Variants in TAL1 observed in about 807,000 individuals in gnomAD.
TAL1 encodes TAL bHLH transcription factor 1, erythroid differentiation factor, also known as T-cell acute lymphocytic leukemia protein 1.
In TAL1, 8 loss-of-function variants were observed where a neutral mutation model predicts 17.9. That is an observed-to-expected ratio of 0.45 (90% confidence interval 0.26 to 0.81). The LOEUF (loss-of-function observed/expected upper bound fraction) is 0.81, where lower values mean the gene tolerates loss of function less well. Among genes scored for constraint, TAL1 ranks in the 30% least tolerant of loss-of-function variants. The pLI, the probability that TAL1 is intolerant of heterozygous loss-of-function variation, is 0.17. For synonymous variants in TAL1, 223 were observed against 218.6 expected (o/e 1.02, Z -0.18); for missense variants, 466 against 486.9 (o/e 0.96, Z 0.40).
chr1:47,225,711 G>T (rs1197404304), exon 2 of TAL1: 2 of 1,461,926 alleles, frequency 1.4e-6, no homozygotes, highest in South Asian at 2.7e-5. Flanking sequence ...CCGCCCCCCG[G>T]GCCTCCGCGC....
intron 3 of TAL1, among the ~76,000 whole-genome samples, chr1:47,222,043 T>C (rs1643821567): frequency 6.6e-6 from 1 of 152,240 alleles, no homozygotes; most frequent in East Asian, 1.9e-4. Flanking sequence ...TGCAGGGCAG[T>C]TCTACCCTGG....
chr1:47,220,019 T>C (rs1184742397), exon 4 of TAL1: 3 of 1,613,180 alleles, frequency 1.9e-6, no homozygotes, highest in African/African-American at 2.7e-5. Flanking sequence ...ATATACTTCA[T>C]GGCCAGGCGG....
intron 3 of TAL1, among the ~76,000 whole-genome samples, chr1:47,220,604 TTG>T (rs1643769737): frequency 6.6e-6 from 1 of 152,152 alleles, no homozygotes; most frequent in Non-Finnish European, 1.5e-5. Context: ...ACATAAAAAC[TTG>T]TGAAGTGCCT....
At chr1:47,230,479 A>C (rs1643991603), upstream of TAL1, 2 of 152,032 alleles carry the variant, frequency 1.3e-5, no homozygotes, top group African/African-American at 4.8e-5. Context: ...AAAAGAGGGG[A>C]GGGGAGGAAA....
At chr1:47,217,680 G>C in exon 4 of TAL1, 1 of 398,676 alleles carries the variant, frequency 2.5e-6, no homozygotes, top group East Asian at 3.6e-5. Flanking sequence ...AAGTCTGAAA[G>C]AAGAGGGAGC....
chr1:47,219,253 T>C (rs934806144), exon 4 of TAL1: 4 of 444,518 alleles, frequency 9.0e-6, no homozygotes, highest in African/African-American at 5.9e-5. Context: ...GCTCACGAAA[T>C]GGGCAGCTAT....
exon 4 of TAL1, chr1:47,219,956 C>A: frequency 7.5e-7 from 1 of 1,327,438 alleles, no homozygotes; most frequent in Non-Finnish European, 9.9e-7. Context: ...CCAGTCTTGG[C>A]CCGCTGGGTG....
exon 4 of TAL1, chr1:47,216,327 T>C (rs1256907253): frequency 2.3e-5 from 5 of 215,646 alleles, no homozygotes; most frequent in Non-Finnish European, 4.7e-5. Flanking sequence ...ATCTTCCCGA[T>C]ACATCCTCAC....
At chr1:47,217,327 C>A in exon 4 of TAL1, 1 of 392,264 alleles carries the variant, frequency 2.5e-6, no homozygotes, top group Non-Finnish European at 4.5e-6. Context: ...TTCAAGGCTG[C>A]AGACAGCAAT....
At chr1:47,219,824 C>T (rs1202397467) in exon 4 of TAL1, 1 of 1,606,222 alleles carries the variant, frequency 6.2e-7, no homozygotes, top group Non-Finnish European at 8.5e-7. Context: ...GGGCTGGCTG[C>T]CCCATCCAGG....
chr1:47,218,746 A>G (rs1645549272), exon 4 of TAL1: 1 of 233,514 alleles, frequency 4.3e-6, no homozygotes, highest in Non-Finnish European at 8.4e-6. Context: ...CATAGACCAG[A>G]CCATCAGCAA....
At chr1:47,217,024 A>G (rs544143110) in exon 4 of TAL1, 1 of 231,966 alleles carries the variant, frequency 4.3e-6, no homozygotes, top group African/African-American at 2.2e-5. Flanking sequence ...ACAGTCTGCC[A>G]GTGTTCCCAT....
rs371934334 is a variant in TAL1, at chr1:47,218,867, C to T, written c.*853G>A. On this transcript the variant is annotated 3_prime_UTR_variant, in exon 4 of 4. Coordinates refer to ENST00000294339, the Ensembl canonical transcript of TAL1. ...GCCCATCAGCACACTGGCATTCACT[C>T]GCCAGCATGAACAGTGATGTCGAGG... 20 of 244,706 alleles carry T rather than the reference C, an allele frequency of 8.2e-5. No individual in the cohort carries two copies. In the East Asian group the frequency reaches 1.0e-3, roughly 13 times the overall value. 15.2% of individuals were successfully genotyped at this position (244,706 alleles called of 1,614,324 possible).
At chr1:47,218,586 G>A (rs916407972) in exon 4 of TAL1, 1 of 232,930 alleles carries the variant, frequency 4.3e-6, no homozygotes. Context: ...GTCTTAGCCA[G>A]GGCCTGGTCT....
At chr1:47,221,398 T>C (rs558440643) in intron 3 of TAL1, among the ~76,000 whole-genome samples, 13 of 152,278 alleles carry the variant, frequency 8.5e-5, no homozygotes, top group Non-Finnish European at 1.8e-4. Context: ...TATAAAGACT[T>C]ATGGAGCAGT....
At chr1:47,221,873 A>T (rs1569896755) in intron 3 of TAL1, among the ~76,000 whole-genome samples, 1 of 152,164 alleles carries the variant, frequency 6.6e-6, no homozygotes, top group African/African-American at 2.4e-5. Flanking sequence ...AGGCATGCAC[A>T]TGCATGTGTG....
chr1:47,229,998 C>CGTCT (rs573589966), upstream of TAL1: 47 of 152,164 alleles, frequency 3.1e-4, no homozygotes, highest in African/African-American at 8.0e-4. Context: ...GGTCCTTTCT[C>CGTCT]GTCTCCCTAC....
At chr1:47,220,044 G>A (rs1351300609) in exon 4 of TAL1, 2 of 1,613,780 alleles carry the variant, frequency 1.2e-6, no homozygotes, top group African/African-American at 2.7e-5. Flanking sequence ...TCTCATTCTT[G>A]CTGAGCTTCT....
At chr1:47,223,476 G>C (rs1569902899) in intron 3 of TAL1, 1 of 152,688 alleles carries the variant, frequency 6.5e-6, no homozygotes, top group Non-Finnish European at 1.5e-5. Flanking sequence ...TCTAAGCCCA[G>C]AATGTGTTAA....
Sources: allele counts gnomAD v4.1 joint callset (sites outside exome capture counted in the v4.1 genomes callset), GRCh38; gene constraint gnomAD v4.1.1; transcripts MANE v1.5; gene names NCBI Gene and HGNC (gene_info 2026-07-23, HGNC 2026-07-21).